ARID2: variants seen among roughly 807,000 people sequenced by gnomAD.
ARID2 encodes the protein AT-rich interaction domain 2.
Under a neutral mutation model 184.6 loss-of-function variants are expected in ARID2, and 32 were observed. That is an observed-to-expected ratio of 0.17 (90% confidence interval 0.13 to 0.23). ARID2 has a LOEUF of 0.23. Among genes scored for constraint, ARID2 ranks in the 10% least tolerant of loss-of-function variants. ARID2 has a pLI of 1.00. For synonymous variants in ARID2, 836 were observed against 772.6 expected, an observed-to-expected ratio of 1.08 and a Z score of -1.36; for missense variants, 1,696 against 2,197.6, an observed-to-expected ratio of 0.77 and a Z score of 4.56.
chr12:45,795,546 C>G (rs1384071106), intron 3 of ARID2, among the ~76,000 whole-genome samples: 2 of 152,146 alleles, frequency 1.3e-5, no homozygotes, highest in Admixed American at 1.3e-4. Context: ...CATTCTCCTG[C>G]CTCAGCCTCC....
intron 16 of ARID2, among the ~76,000 whole-genome samples, chr12:45,884,367 G>A (rs1278931643): frequency 6.6e-6 from 1 of 152,148 alleles, no homozygotes; most frequent in Non-Finnish European, 1.5e-5. Context: ...GTATACTCCA[G>A]CCTGCTCAAC....
intron 3 of ARID2, among the ~76,000 whole-genome samples, chr12:45,761,015 T>A (rs1230842896): frequency 6.6e-6 from 1 of 152,144 alleles, no homozygotes; most frequent in Non-Finnish European, 1.5e-5. Flanking sequence ...ATGTGAGCCA[T>A]TGTTCCTGGC....
intron 5 of ARID2, among the ~76,000 whole-genome samples, chr12:45,820,216 C>A (rs769067045): frequency 2.6e-5 from 4 of 152,126 alleles, no homozygotes; most frequent in Non-Finnish European, 4.4e-5. Context: ...ACATTTACAT[C>A]TGTTCTTTAT....
chr12:45,852,921 C>T (rs2138182359), intron 15 of ARID2, 25 bp downstream of exon 15: 1 of 1,521,102 alleles, frequency 6.6e-7, no homozygotes, highest in Non-Finnish European at 8.8e-7. Context: ...GATCACATTT[C>T]TCTTATGAAA....
At chr12:45,735,198 C>T (rs1206971598) in intron 3 of ARID2, among the ~76,000 whole-genome samples, 1 of 151,748 alleles carries the variant, frequency 6.6e-6, no homozygotes, top group African/African-American at 2.4e-5. Context: ...AATGAATACA[C>T]TCATGTGTTC....
At chr12:45,837,854 C>G (rs1943249052) in intron 10 of ARID2, 147 bp downstream of exon 10, 1 of 582,034 alleles carries the variant, frequency 1.7e-6, no homozygotes, top group Admixed American at 3.3e-5. Flanking sequence ...TTCCATTATT[C>G]TTTATTATGC....
intron 16 of ARID2, among the ~76,000 whole-genome samples, chr12:45,877,719 T>C (rs1014295734): frequency 1.3e-5 from 2 of 152,194 alleles, no homozygotes; most frequent in African/African-American, 4.8e-5. Flanking sequence ...CACTTATCTG[T>C]AAGCTATAAT....
intron 3 of ARID2, among the ~76,000 whole-genome samples, chr12:45,801,306 C>T (rs540652994): frequency 3.3e-3 from 489 of 146,096 alleles, no homozygotes; most frequent in African/African-American, 0.012. Flanking sequence ...AGTGAGACTC[C>T]GTCTCAAAAA....
intron 11 of ARID2, chr12:45,841,249 C>A (rs528882771): frequency 1.3e-5 from 2 of 152,166 alleles, no homozygotes; most frequent in African/African-American, 4.8e-5. Flanking sequence ...CTTCACAGTT[C>A]TTTTGACCTC....
At chr12:45,792,746 T>G in intron 3 of ARID2, among the ~76,000 whole-genome samples, 1 of 152,154 alleles carries the variant, frequency 6.6e-6, no homozygotes, top group East Asian at 1.9e-4. Flanking sequence ...CCTGGTCAAT[T>G]GAATGTTTTT....
intron 16 of ARID2, among the ~76,000 whole-genome samples, chr12:45,876,171 T>G (rs1218812688): frequency 6.6e-6 from 1 of 152,238 alleles, no homozygotes; most frequent in Admixed American, 6.5e-5. Flanking sequence ...TGGCCTAATT[T>G]CATTATTGTT....
chr12:45,782,625 C>CT (rs1942117324), intron 3 of ARID2, among the ~76,000 whole-genome samples: 1 of 151,170 alleles, frequency 6.6e-6, no homozygotes, highest in African/African-American at 2.5e-5. Context: ...GAGCGAGACT[C>CT]TGTCTCAAAA....
At position 45,860,590 on chromosome 12, in the gene ARID2, C is replaced by T. The variant is rs1042123576; in HGVS notation, c.4774-211C>T. On this transcript the variant is annotated intron_variant, in intron 15 of 20. Transcript: ENST00000334344. ...GGTAATAACAATGTGGTATTACCTT[C>T]GTGGTTTTATATTAAATAAAATAAA... 8.6e-5 allele frequency among the ~76,000 whole-genome samples: 13 copies of T among 151,080 alleles called. No individual in the cohort carries two copies. The South Asian group carries it at 1.5e-3, about 17-fold the overall frequency.
intron 12 of ARID2, among the ~76,000 whole-genome samples, chr12:45,847,229 C>T (rs2138151404): frequency 6.6e-6 from 1 of 152,156 alleles, no homozygotes; most frequent in African/African-American, 2.4e-5. Context: ...AGTTATCTTT[C>T]ACTTTGTAGA....
chr12:45,890,489 G>T (rs1004196971), intron 16 of ARID2, among the ~76,000 whole-genome samples: 3 of 152,082 alleles, frequency 2.0e-5, no homozygotes, highest in African/African-American at 7.2e-5. Context: ...CCTCCTTGTG[G>T]CAATAACTAG....
At position 45,850,629 on chromosome 12, in the gene ARID2, ACAT is replaced by A; in HGVS notation, c.2509_2511del (p.Ser837del). On this transcript the variant is annotated inframe_deletion, in exon 15 of 21. Coordinates refer to ENST00000334344, the MANE Select transcript of ARID2 (RefSeq NM_152641.4). ...ACCTGTGCAAACTTCATCTCAACAG[ACAT>A]CAGCTGGTAGCCAGTCACAAGATAC... 6.2e-7 allele frequency: 1 copy of A among 1,614,142 alleles called. No individual in the cohort carries two copies.
At chr12:45,856,756 C>CTAT (rs1943658458) in intron 15 of ARID2, among the ~76,000 whole-genome samples, 3 of 152,034 alleles carry the variant, frequency 2.0e-5, no homozygotes, top group Non-Finnish European at 4.4e-5. Flanking sequence ...TAAAAAGAAT[C>CTAT]TATGTGAAAG....
chr12:45,733,392 C>T (rs1941039586), intron 3 of ARID2, among the ~76,000 whole-genome samples: 1 of 152,146 alleles, frequency 6.6e-6, no homozygotes, highest in Admixed American at 6.5e-5. Context: ...ATTCTATTAC[C>T]TACCCATAAG....
chr12:45,812,741 G>C (rs1238903781), intron 4 of ARID2, among the ~76,000 whole-genome samples: 3 of 152,126 alleles, frequency 2.0e-5, no homozygotes, highest in Non-Finnish European at 2.9e-5. Context: ...CTAATTCAAG[G>C]ATGTTAAAAA....
Sources: gnomAD v4.1 joint callset for allele counts (sites outside exome capture counted in the v4.1 genomes callset) on GRCh38, gnomAD v4.1.1 for gene constraint, MANE v1.5 for transcripts, NCBI Gene and HGNC (gene_info 2026-07-23, HGNC 2026-07-21) for gene names.